Variants in PGM2 observed in about 807,000 individuals in gnomAD.
PGM2 encodes the protein phosphoglucomutase 2.
A neutral mutation model predicts 74.6 loss-of-function variants in PGM2; 57 were observed. The ratio of observed to expected loss-of-function variants is 0.76; its 90% CI spans 0.62 to 0.95. The LOEUF (loss-of-function observed/expected upper bound fraction) is 0.95. PGM2 is among the 40% of genes least tolerant of loss of function. The pLI is 0.00. For synonymous variants in PGM2, 273 were observed against 260.7 expected (o/e 1.05, Z -0.46); for missense variants, 706 against 741.9 (o/e 0.95, Z 0.56).
At position 37,843,036 on chromosome 4, in the gene PGM2, A is replaced by G. The variant is rs541363122; in HGVS notation, c.720-1328A>G. 1.6e-4 allele frequency among the ~76,000 whole-genome samples: 25 copies of G among 152,276 alleles called. No individual in the cohort carries two copies. In the Middle Eastern group the frequency reaches 0.014, roughly 83 times the overall value. ...ATATTATCATGCATGTTATAGATGA[A>G]AAAACTACAAGGAAGAGTGGTTAAT... On this transcript the variant is annotated intron_variant, in intron 6 of 13. Coordinates refer to ENST00000381967, the MANE Select transcript of PGM2 (RefSeq NM_018290.4).
intron 11 of PGM2, among the ~76,000 whole-genome samples, chr4:37,849,733 T>C (rs1337763455): frequency 6.6e-6 from 1 of 151,934 alleles, no homozygotes; most frequent in Non-Finnish European, 1.5e-5. Flanking sequence ...AATGGTCTTT[T>C]AAAAATTATT....
intron 4 of PGM2, among the ~76,000 whole-genome samples, chr4:37,838,369 G>C (rs985591645): frequency 6.6e-6 from 1 of 152,206 alleles, no homozygotes; most frequent in African/African-American, 2.4e-5. Context: ...CAGAGAGCAT[G>C]CTCGGCATAT....
chr4:37,832,159 A>G (rs532086545), intron 2 of PGM2, among the ~76,000 whole-genome samples: 1 of 152,340 alleles, frequency 6.6e-6, no homozygotes, highest in East Asian at 1.9e-4. Context: ...AATTTTCTCC[A>G]TGACCCCACC....
rs774560479 is a variant in PGM2 at position 37,847,094 on chromosome 4, G to C, written c.1171G>C (p.Glu391Gln). ...AATCTTGCGGGCCATTGCCTTAAAG[G>C]AAGGTTTTCATTTTGAGGTAGGGTG... Reference protein sequence around the residue: ...SKILRAIALKEGFHFEETLTG... With the variant: ...SKILRAIALKQGFHFEETLTG... The change falls in exon 9 of 14, where the codon GAA (glutamate) becomes CAA (glutamine). Residue 391 changes from glutamate to glutamine, a missense_variant. Physicochemically the swap from Glu to Gln is conservative, Grantham distance 29. Around this residue, in one of 3 missense-constraint regions of PGM2, gnomAD observed 359 missense variants for 371.1 expected, o/e 0.97. Transcript: ENST00000381967. The C allele has an allele frequency of 6.2e-7, 1 of 1,613,362 alleles. No homozygotes were observed. The highest frequency in any genetic ancestry group is 8.5e-7 in the Non-Finnish European group (1 of 1,179,500).
intron 12 of PGM2, among the ~76,000 whole-genome samples, chr4:37,853,740 G>A (rs185982640): frequency 1.1e-3 from 174 of 152,334 alleles, no homozygotes; most frequent in African/African-American, 4.0e-3. Flanking sequence ...CTGGAGGCAT[G>A]ACTGGGGCGG....
chr4:37,826,830 G>A lies in PGM2; in HGVS notation c.81+17G>A, dbSNP rs952134751. The A allele has an allele frequency of 4.7e-5, 71 of 1,514,866 alleles. No homozygotes were observed. The highest frequency in any genetic ancestry group is 6.1e-5 in the Non-Finnish European group (68 of 1,116,530). The allele number at this position is 1,514,866 out of a possible 1,614,324, so 93.8% of individuals were successfully genotyped here. A position where few individuals can be genotyped will look rare whatever the true frequency, so the allele number is the denominator to read the frequency against. On this transcript the variant is annotated intron_variant, in intron 1 of 13. Coordinates refer to ENST00000381967, the MANE Select transcript of PGM2 (RefSeq NM_018290.4). ...TGGGACAAGGTGAGGGGCACCAGCAGGCGGGGAGCGCCTGGAGCGGGGCCG... is the reference window on the plus strand; with the variant it reads ...TGGGACAAGGTGAGGGGCACCAGCAAGCGGGGAGCGCCTGGAGCGGGGCCG...
intron 6 of PGM2, among the ~76,000 whole-genome samples, chr4:37,841,208 C>T (rs1282841335): frequency 3.0e-5 from 3 of 101,296 alleles, no homozygotes; most frequent in African/African-American, 1.5e-4. Flanking sequence ...GTGCACTTTT[C>T]CCCCCAATTA....
chr4:37,840,896 C>T (rs1287359919), intron 6 of PGM2, among the ~76,000 whole-genome samples: 3 of 151,164 alleles, frequency 2.0e-5, no homozygotes, highest in Admixed American at 2.0e-4. Context: ...AGTTTGCTGA[C>T]CTGTTATAGA....
chr4:37,836,773 A>G (rs982456977), intron 3 of PGM2, among the ~76,000 whole-genome samples: 1 of 152,140 alleles, frequency 6.6e-6, no homozygotes, highest in South Asian at 2.1e-4. Flanking sequence ...TCTTACCCTA[A>G]GCAAGTTTCT....
chr4:37,846,302 G>T (rs185664139), intron 8 of PGM2, among the ~76,000 whole-genome samples: 163 of 151,328 alleles, frequency 1.1e-3, no homozygotes, highest in African/African-American at 3.7e-3. Flanking sequence ...TGTTTTGGGG[G>T]CAGGAGGGTG....
chr4:37,846,993 C>T lies in PGM2; in HGVS notation c.1070C>T (p.Thr357Ile), dbSNP rs1361764557. The change falls in exon 9 of 14, where the codon ACA becomes ATA. Residue 357 changes from threonine to isoleucine, a missense_variant. By Grantham distance (89) the Thr-to-Ile change is moderately conservative. Coordinates refer to ENST00000381967, the MANE Select transcript of PGM2 (RefSeq NM_018290.4). ...LGALLGWWLFTSWKEKNQDRS... is the reference protein window; with the variant it reads ...LGALLGWWLFISWKEKNQDRS... ...GCCCTCCTGGGCTGGTGGCTTTTTA[C>T]ATCTTGGAAAGAGAAGAACCAGGAT... The T allele has an allele frequency of 1.2e-6, 2 of 1,613,332 alleles. No individual in the cohort carries two copies. Among genetic ancestry groups the T allele is most frequent in the Non-Finnish European group, 1.7e-6 (2 of 1,179,534 alleles).
In PGM2 at chr4:37,862,362, T is replaced by C. The variant is rs915842500; in HGVS notation, c.*750T>C. On this transcript the variant is annotated 3_prime_UTR_variant, in exon 14 of 14. Coordinates refer to ENST00000381967, the MANE Select transcript of PGM2 (RefSeq NM_018290.4). ...TTCTGTTTTTTGGTTGTTTGTTCAT[T>C]TGTATTAGCACAATTTAATGTAATT... 2.0e-5 allele frequency: 3 copies of C among 152,150 alleles called. No homozygotes were observed. Among genetic ancestry groups the C allele is most frequent in the African/African-American group, 7.2e-5 (3 of 41,452 alleles). 9.4% of individuals were successfully genotyped at this position (152,150 alleles called of 1,614,324 possible).
At chr4:37,851,171 T>C (rs999279186) in intron 12 of PGM2, among the ~76,000 whole-genome samples, 1 of 152,054 alleles carries the variant, frequency 6.6e-6, no homozygotes, top group African/African-American at 2.4e-5. Context: ...TGTCAGGAGT[T>C]CTCACACTTG....
intron 11 of PGM2, among the ~76,000 whole-genome samples, chr4:37,848,868 G>A (rs1350743839): frequency 4.0e-5 from 6 of 151,892 alleles, no homozygotes; most frequent in African/African-American, 2.4e-5. Context: ...TCAGGAGTTC[G>A]AGACCAGCCT....
At chr4:37,846,438 G>T (rs908678507) in intron 8 of PGM2, among the ~76,000 whole-genome samples, 1 of 152,312 alleles carries the variant, frequency 6.6e-6, no homozygotes, top group South Asian at 2.1e-4. Context: ...CATCTGGACT[G>T]CCAAGAGAAG....
intron 12 of PGM2, among the ~76,000 whole-genome samples, chr4:37,854,200 G>A (rs1726127313): frequency 6.6e-6 from 1 of 152,134 alleles, no homozygotes; most frequent in Non-Finnish European, 1.5e-5. Flanking sequence ...CTTTGCCCGT[G>A]TGTTTATGCT....
At chr4:37,856,338 C>T (rs368652200) in intron 13 of PGM2, among the ~76,000 whole-genome samples, 12 of 152,094 alleles carry the variant, frequency 7.9e-5, no homozygotes, top group Non-Finnish European at 2.9e-5. Context: ...TGAGCCGAGA[C>T]TGCGCCACTG....
At chr4:37,848,428 T>C in intron 10 of PGM2, 94 bp from the exon 11 acceptor site, 1 of 1,114,190 alleles carries the variant, frequency 9.0e-7, no homozygotes, top group African/African-American at 1.6e-5. Flanking sequence ...CACGCAACAC[T>C]GTACAACCTC....
chr4:37,839,086 G>C (rs1725636805), intron 4 of PGM2, among the ~76,000 whole-genome samples: 1 of 149,394 alleles, frequency 6.7e-6, no homozygotes. Context: ...TGAGGAACCT[G>C]TAAGAGCATT....
Sources: gnomAD v4.1 joint callset for allele counts (sites outside exome capture counted in the v4.1 genomes callset) on GRCh38, gnomAD v4.1.1 for gene constraint, gnomAD v4.1.1 regional missense constraint, MANE v1.5 for transcripts, NCBI Gene and HGNC (gene_info 2026-07-23, HGNC 2026-07-21) for gene names.